RORA: variants seen among roughly 807,000 people sequenced by gnomAD.
RORA encodes the protein RAR related orphan receptor A.
A neutral mutation model predicts 69.5 loss-of-function variants in RORA; 7 were observed. That is an observed-to-expected ratio of 0.10 (90% CI 0.06 to 0.19). The LOEUF (loss-of-function observed/expected upper bound fraction) is 0.19, where lower values mean the gene tolerates loss of function less well. RORA is among the 10% of genes least tolerant of loss of function. The pLI, the probability that RORA is intolerant of heterozygous loss-of-function variation, is 1.00. For missense variants in RORA, 457 were observed against 663.0 expected (o/e 0.69, Z 3.41); for synonymous variants, 261 against 240.8 (o/e 1.08, Z -0.78).
chr15:61,218,179 G>T (rs2080058921), intron 1 of RORA, among the ~76,000 whole-genome samples: 1 of 134,048 alleles, frequency 7.5e-6, no homozygotes, highest in South Asian at 2.3e-4. Context: ...AAATGTTTGT[G>T]TGTGTGTGTG....
At chr15:61,024,965 T>G (rs771309317) in intron 1 of RORA, among the ~76,000 whole-genome samples, 4 of 152,236 alleles carry the variant, frequency 2.6e-5, no homozygotes, top group Non-Finnish European at 4.4e-5. Context: ...TCTTCTGGCT[T>G]ACTTTTTGTT....
At chr15:60,847,486 A>T (rs2073278775) in intron 1 of RORA, among the ~76,000 whole-genome samples, 1 of 152,098 alleles carries the variant, frequency 6.6e-6, no homozygotes, top group Non-Finnish European at 1.5e-5. Flanking sequence ...GTTCCGTGAC[A>T]ATGCACTGTT....
At chr15:60,902,458 G>A (rs115561718) in intron 1 of RORA, among the ~76,000 whole-genome samples, 80 of 152,278 alleles carry the variant, frequency 5.3e-4, no homozygotes, top group African/African-American at 1.9e-3. Flanking sequence ...TTACACGTGA[G>A]AATGGCTCAG....
chr15:60,891,654 G>A (rs2073814060), intron 1 of RORA, among the ~76,000 whole-genome samples: 1 of 152,194 alleles, frequency 6.6e-6, no homozygotes, highest in African/African-American at 2.4e-5. Flanking sequence ...CTGTCCTCCA[G>A]TGCCCACTCT....
chr15:60,838,663 T>C (rs2073151651), intron 1 of RORA, among the ~76,000 whole-genome samples: 1 of 152,160 alleles, frequency 6.6e-6, no homozygotes, highest in South Asian at 2.1e-4. Flanking sequence ...TATCAAAAAG[T>C]GTGGCCAGTT....
chr15:60,946,124 A>G (rs1892863407), intron 1 of RORA, among the ~76,000 whole-genome samples: 2 of 152,186 alleles, frequency 1.3e-5, no homozygotes, highest in Non-Finnish European at 2.9e-5. Context: ...AGCCAGGATC[A>G]GCGGGTGTGC....
At chr15:60,994,753 C>T (rs1303343510) in intron 1 of RORA, among the ~76,000 whole-genome samples, 2 of 152,216 alleles carry the variant, frequency 1.3e-5, no homozygotes, top group African/African-American at 4.8e-5. Flanking sequence ...AGAATGAAGA[C>T]AACTCAACAT....
At chr15:60,670,842 GT>G (rs1198977803) in intron 2 of RORA, among the ~76,000 whole-genome samples, 1 of 151,994 alleles carries the variant, frequency 6.6e-6, no homozygotes, top group East Asian at 1.9e-4. Flanking sequence ...AGAAATCAGT[GT>G]AAAAAATTTA....
At chr15:60,990,092 C>G (rs1188040494) in intron 1 of RORA, among the ~76,000 whole-genome samples, 1 of 152,176 alleles carries the variant, frequency 6.6e-6, no homozygotes, top group African/African-American at 2.4e-5. Context: ...ATGCTGAGAT[C>G]TGAGCTTTTT....
At chr15:60,636,578 G>A (rs1239642159) in intron 2 of RORA, among the ~76,000 whole-genome samples, 1 of 152,120 alleles carries the variant, frequency 6.6e-6, no homozygotes, top group Non-Finnish European at 1.5e-5. Flanking sequence ...ATTTCTGAAG[G>A]AAAAGGATGC....
rs1399919103 is a variant in RORA, at chr15:60,897,942, CTT to C, written c.167-219258_167-219257del. Among the ~76,000 whole-genome samples, 8 of 152,336 alleles carry C rather than the reference CTT, an allele frequency of 5.3e-5. No homozygotes were observed. In the South Asian group the frequency reaches 1.5e-3, roughly 28 times the overall value. ...GAGCCCATATTGGATTAGAAAAAGACTTGATATTTCCCTCCACCTTTACCTCC... is the reference window on the plus strand; with the variant it reads ...GAGCCCATATTGGATTAGAAAAAGACGATATTTCCCTCCACCTTTACCTCC... On this transcript the variant is annotated intron_variant, in intron 1 of 10. Coordinates refer to ENST00000335670, the MANE Select transcript of RORA (RefSeq NM_134261.3).
chr15:60,943,507 T>A (rs956930299), intron 1 of RORA, among the ~76,000 whole-genome samples: 1 of 152,170 alleles, frequency 6.6e-6, no homozygotes, highest in Admixed American at 6.5e-5. Context: ...GCCACTGTTT[T>A]AGAGGACTGT....
At chr15:60,845,779 C>T (rs924632892) in intron 1 of RORA, among the ~76,000 whole-genome samples, 3 of 152,216 alleles carry the variant, frequency 2.0e-5, no homozygotes, top group African/African-American at 7.2e-5. Flanking sequence ...TGGAGTCTTG[C>T]TCTGTCGCCC....
chr15:60,816,852 G>A (rs938522209), intron 1 of RORA, among the ~76,000 whole-genome samples: 28 of 151,894 alleles, frequency 1.8e-4, no homozygotes, highest in African/African-American at 6.5e-4. Flanking sequence ...TTTTCTAATG[G>A]GTTAACATTT....
intron 1 of RORA, among the ~76,000 whole-genome samples, chr15:60,931,793 GC>G (rs1335679183): frequency 6.6e-6 from 1 of 152,208 alleles, no homozygotes; most frequent in Admixed American, 6.5e-5. Context: ...GCCTTATGAG[GC>G]TGATAGCTCA....
chr15:61,222,734 C>A (rs1279565399), intron 1 of RORA, among the ~76,000 whole-genome samples: 2 of 152,170 alleles, frequency 1.3e-5, no homozygotes, highest in African/African-American at 4.8e-5. Context: ...TCCAGGGATG[C>A]TTTCCATATT....
intron 1 of RORA, among the ~76,000 whole-genome samples, chr15:60,888,381 A>G (rs947488405): frequency 6.6e-6 from 1 of 152,200 alleles, no homozygotes. Context: ...ACGTTCTTTC[A>G]GTGTGGTGAA....
intron 1 of RORA, among the ~76,000 whole-genome samples, chr15:60,726,340 GA>G (rs1453968036): frequency 6.6e-6 from 1 of 152,178 alleles, no homozygotes; most frequent in Non-Finnish European, 1.5e-5. Context: ...AAGGAAAGTG[GA>G]AATGTCTGCG....
At chr15:60,711,582 A>G (rs147176493) in intron 1 of RORA, among the ~76,000 whole-genome samples, 3 of 152,172 alleles carry the variant, frequency 2.0e-5, no homozygotes, top group East Asian at 1.9e-4. Context: ...GTGCTATTCT[A>G]TGGTTGAAGA....
Sources: allele counts gnomAD v4.1 joint callset (sites outside exome capture counted in the v4.1 genomes callset), GRCh38; gene constraint gnomAD v4.1.1; transcripts MANE v1.5; gene names NCBI Gene and HGNC (gene_info 2026-07-23, HGNC 2026-07-21).